Variants in MTFMT observed in about 807,000 individuals in gnomAD.
MTFMT encodes methionyl-tRNA formyltransferase, mitochondrial.
MTFMT carries 47 observed loss-of-function variants against 51.8 expected under a neutral mutation model. That is an observed-to-expected ratio of 0.91 (90% CI 0.72 to 1.16). The LOEUF is 1.16. Among genes scored for constraint, MTFMT ranks in the 50% most tolerant of loss-of-function variants. The pLI is 0.00. For synonymous variants in MTFMT, 196 were observed against 176.7 expected (o/e 1.11, Z -0.87); for missense variants, 512 against 482.3 (o/e 1.06, Z -0.58).
In MTFMT at chr15:65,003,055, T is replaced by C. The variant is rs2140471542; in HGVS notation, c.*7A>G. ...ATGTAATAGGTTTTTATCCATCTTC[T>C]TCCTAACTACTCAATGCATTGTTGC... On this transcript the variant is annotated 3_prime_UTR_variant, in exon 9 of 9. Transcript: ENST00000220058. 1 of 1,498,736 alleles carries C rather than the reference T, an allele frequency of 6.7e-7. No homozygotes were observed. The highest frequency in any genetic ancestry group is 1.5e-5 in the South Asian group (1 of 68,962). 92.8% of individuals were successfully genotyped at this position (1,498,736 alleles called of 1,614,324 possible).
At chr15:65,028,930 C>G (rs1267906583) in intron 1 of MTFMT, among the ~76,000 whole-genome samples, 1 of 152,110 alleles carries the variant, frequency 6.6e-6, no homozygotes, top group Non-Finnish European at 1.5e-5. Flanking sequence ...AGCAAAAGAG[C>G]GAGACACGGG....
chr15:65,017,660 T>C (rs985037118), intron 5 of MTFMT, among the ~76,000 whole-genome samples: 1 of 152,112 alleles, frequency 6.6e-6, no homozygotes, highest in African/African-American at 2.4e-5. Context: ...TAGCCAGGCA[T>C]GGTGGAATGT....
intron 2 of MTFMT, 160 bp downstream of exon 2, chr15:65,026,671 C>T: frequency 1.5e-6 from 1 of 661,480 alleles, no homozygotes; most frequent in Non-Finnish European, 2.5e-6. Flanking sequence ...CAGAGAAATT[C>T]ATTGACTTTA....
chr15:65,014,231 GC>G (rs1288216898), intron 6 of MTFMT, among the ~76,000 whole-genome samples: 4 of 151,752 alleles, frequency 2.6e-5, no homozygotes, highest in Non-Finnish European at 5.9e-5. Context: ...TCAGAAAGAG[GC>G]TTTCCCCATC....
intron 1 of MTFMT, among the ~76,000 whole-genome samples, chr15:65,029,050 T>C (rs1056143695): frequency 1.6e-4 from 25 of 151,954 alleles, no homozygotes; most frequent in Non-Finnish European, 2.9e-5. Context: ...TCGCATAACC[T>C]CTCTGAGCCA....
At chr15:65,018,631 T>C (rs188257694) in intron 5 of MTFMT, among the ~76,000 whole-genome samples, 25 of 152,254 alleles carry the variant, frequency 1.6e-4, no homozygotes, top group African/African-American at 5.5e-4. Flanking sequence ...TTGATTTCAG[T>C]GTGAGCCAGA....
chr15:65,025,060 A>G (rs1450965380), intron 2 of MTFMT, among the ~76,000 whole-genome samples: 3 of 152,044 alleles, frequency 2.0e-5, no homozygotes. Flanking sequence ...AAATTACCAG[A>G]GGATTTTGAG....
intron 6 of MTFMT, among the ~76,000 whole-genome samples, chr15:65,012,234 C>G (rs895545625): frequency 6.7e-6 from 1 of 148,808 alleles, no homozygotes; most frequent in Non-Finnish European, 1.5e-5. Context: ...GTACAGCACA[C>G]CAACATGGCA....
In MTFMT at chr15:65,029,631, G is replaced by T. The variant is rs1484747717; in HGVS notation, c.-18C>A. ...ACCCTCATCGCCTCGGCCGCCGGCG[G>T]CCGGCCCTGCGCAGGCGCATCGGGG... On this transcript the variant is annotated 5_prime_UTR_variant, in exon 1 of 9. Coordinates refer to ENST00000220058, the MANE Select transcript of MTFMT (RefSeq NM_139242.4). The T allele has an allele frequency of 7.8e-7, 1 of 1,278,264 alleles. No homozygotes were observed. The highest frequency in any genetic ancestry group is 1.0e-6 in the Non-Finnish European group (1 of 992,014). The allele number at this position is 1,278,264 out of a possible 1,614,324, so 79.2% of individuals were successfully genotyped here.
intron 8 of MTFMT, 140 bp from the exon 9 acceptor site, chr15:65,003,396 A>G: frequency 1.6e-6 from 1 of 635,532 alleles, no homozygotes; most frequent in Admixed American, 2.8e-5. Context: ...AAACAGCACT[A>G]CACTAAGTAA....
rs1249674381 is a variant in MTFMT at position 65,021,474 on chromosome 15, CTAAA to C, written c.645+36_645+39del. The C allele has an allele frequency of 2.1e-6, 3 of 1,454,956 alleles. No individual in the cohort carries two copies. The African/African-American group carries it at 4.2e-5, about 20-fold the overall frequency. 90.1% of individuals were successfully genotyped at this position (1,454,956 alleles called of 1,614,324 possible). On this transcript the variant is annotated intron_variant, in intron 4 of 8. Coordinates refer to ENST00000220058, the MANE Select transcript of MTFMT (RefSeq NM_139242.4). ...TTTTTATAACCACTTAGGAAACCCA[CTAAA>C]TGAGTAAAAAGCAGTAGGATATTGG...
At position 65,026,903 on chromosome 15, in the gene MTFMT, C is replaced by G; in HGVS notation, c.347G>C (p.Gly116Ala). ...AGCCACTACTCCAACATCATATTCT[C>G]CAGATCCCACATCCGGCCACTCATA... ...PVYEWPDVGSGEYDVGVVASF... is the reference protein window; with the variant it reads ...PVYEWPDVGSAEYDVGVVASF... The change falls in exon 2 of 9, where the codon GGA becomes GCA. Residue 116 changes from glycine to alanine, a missense_variant. Gly to Ala is a moderately conservative substitution (Grantham distance 60, BLOSUM62 0). Transcript: ENST00000220058. 1 of 1,614,010 alleles carries G rather than the reference C, an allele frequency of 6.2e-7. No homozygotes were observed. The highest frequency in any genetic ancestry group is 8.5e-7 in the Non-Finnish European group (1 of 1,179,894).
rs2086179565 is a variant in MTFMT, at chr15:65,001,945, A to T, written c.*1117T>A. 1 of 152,208 alleles carries T rather than the reference A, an allele frequency of 6.6e-6. No homozygotes were observed. The allele number at this position is 152,208 out of a possible 1,614,324, so 9.4% of individuals were successfully genotyped here. A position where few individuals can be genotyped will look rare whatever the true frequency, so the allele number is the denominator to read the frequency against. ...AGATCAATGTGGCAGAGATTATTAA[A>T]TATTACCTACGTTTACTACTTGGTT... is the stretch of plus-strand genomic sequence containing the variant. On this transcript the variant is annotated 3_prime_UTR_variant, in exon 9 of 9. Coordinates refer to ENST00000220058, the MANE Select transcript of MTFMT (RefSeq NM_139242.4).
At chr15:65,026,301 C>T (rs2086423792) in intron 2 of MTFMT, 1 of 193,176 alleles carries the variant, frequency 5.2e-6, no homozygotes. Context: ...GCTGGCTTAC[C>T]AATGGCAGTG....
rs376756132 is a variant in MTFMT at position 65,019,541 on chromosome 15, A to G, written c.721+656T>C. On this transcript the variant is annotated intron_variant, in intron 5 of 8. Coordinates refer to ENST00000220058, the MANE Select transcript of MTFMT (RefSeq NM_139242.4). ...AAACCTTTAGAACTAATTATAGGAA[A>G]TATAAGAGATAGGGAACAAGTTAAA... Among the ~76,000 whole-genome samples, 15 of 152,328 alleles carry G rather than the reference A, an allele frequency of 9.8e-5. 1 individual carries two copies. In the East Asian group the frequency reaches 2.9e-3, roughly 29 times the overall value.
At chr15:65,024,116 C>A (rs376357133) in intron 2 of MTFMT, among the ~76,000 whole-genome samples, 1 of 151,940 alleles carries the variant, frequency 6.6e-6, no homozygotes, top group Non-Finnish European at 1.5e-5. Flanking sequence ...CACTTGAGAT[C>A]GGGAGTTTGA....
In MTFMT at chr15:65,011,485, CTTTTTTTTTTTTTT is replaced by C. The variant is rs536213292; in HGVS notation, c.813+4937_813+4950del. 1.1e-3 allele frequency among the ~76,000 whole-genome samples: 84 copies of C among 74,080 alleles called. 1 individual carries two copies. The highest frequency in any genetic ancestry group is 3.0e-3 in the Admixed American group (15 of 5,024). 48.6% of individuals were successfully genotyped at this position (74,080 alleles called of 152,430 possible). ...TATTCCCTCCCATTCTGTAAGCTGT[CTTTTTTTTTTTTTT>C]TTTTTTTTTTTTTTGAGACAGGGTC... On this transcript the variant is annotated intron_variant, in intron 6 of 8. Transcript: ENST00000220058.
At chr15:65,008,016 T>C (rs2140475524) in intron 6 of MTFMT, among the ~76,000 whole-genome samples, 1 of 152,314 alleles carries the variant, frequency 6.6e-6, no homozygotes, top group South Asian at 2.1e-4. Flanking sequence ...CACTTTAAGA[T>C]TATTAAATAT....
intron 7 of MTFMT, among the ~76,000 whole-genome samples, chr15:65,005,632 T>C (rs1277949837): frequency 7.9e-5 from 11 of 139,060 alleles, no homozygotes; most frequent in Non-Finnish European, 1.5e-5. Flanking sequence ...TTTTTTGAAA[T>C]GGAGTTTCAC....
Sources: gnomAD v4.1 joint callset for allele counts (sites outside exome capture counted in the v4.1 genomes callset) on GRCh38, gnomAD v4.1.1 for gene constraint, MANE v1.5 for transcripts, NCBI Gene and HGNC (gene_info 2026-07-23, HGNC 2026-07-21) for gene names.